GALNT13: variants seen among roughly 807,000 people sequenced by gnomAD.
The protein encoded by GALNT13 is UDP-GalNAc:polypeptide N-acetylgalactosaminyltransferase 13.
Under a neutral mutation model 64.2 loss-of-function variants are expected in GALNT13, and 28 were observed. The observed-to-expected ratio is 0.44, with a 90% CI of 0.32 to 0.60. GALNT13 has a LOEUF of 0.60. GALNT13 is among the 20% of genes least tolerant of loss of function. GALNT13 has a pLI of 0.05. For synonymous variants in GALNT13, 214 were observed against 224.6 expected (o/e 0.95, Z 0.42); for missense variants, 577 against 669.8 (o/e 0.86, Z 1.53).
chr2:153,351,049 T>A, the GALNT13 span, among the ~76,000 whole-genome samples: 1 of 152,158 alleles, frequency 6.6e-6, no homozygotes, highest in African/African-American at 2.4e-5. Flanking sequence ...TTTATTCTCT[T>A]AAGAAAAATT....
intron 4 of GALNT13, among the ~76,000 whole-genome samples, chr2:154,142,220 ACT>A (rs1386709426): frequency 1.3e-5 from 2 of 152,090 alleles, no homozygotes; most frequent in South Asian, 2.1e-4. Context: ...ATATTTACTA[ACT>A]CTTATTTTTT....
At chr2:153,995,056 T>A (rs1178145818) in intron 3 of GALNT13, among the ~76,000 whole-genome samples, 1 of 152,006 alleles carries the variant, frequency 6.6e-6, no homozygotes, top group East Asian at 1.9e-4. Context: ...TATCACCATT[T>A]TATTAAAGAT....
chr2:154,456,445 T>C (rs969984840), downstream of GALNT13, among the ~76,000 whole-genome samples: 1 of 152,066 alleles, frequency 6.6e-6, no homozygotes, highest in Non-Finnish European at 1.5e-5. Context: ...ATATATTGCC[T>C]TTTTGGAAAA....
At chr2:153,243,549 G>A in the GALNT13 span, among the ~76,000 whole-genome samples, 1 of 145,870 alleles carries the variant, frequency 6.9e-6, no homozygotes, top group African/African-American at 2.8e-5. Context: ...CAGACTACTG[G>A]AGAAACAGTT....
chr2:153,484,164 TACTC>T, the GALNT13 span, among the ~76,000 whole-genome samples: 9 of 152,218 alleles, frequency 5.9e-5, no homozygotes, highest in African/African-American at 1.2e-4. Context: ...AGCTCAAAGA[TACTC>T]ACCCTAGTAA....
the GALNT13 span, among the ~76,000 whole-genome samples, chr2:153,322,167 C>T: frequency 6.6e-6 from 1 of 152,054 alleles, no homozygotes; most frequent in African/African-American, 2.4e-5. Context: ...CCCTCCCCAC[C>T]TCTCCACTCT....
At chr2:153,313,385 A>T in the GALNT13 span, among the ~76,000 whole-genome samples, 1 of 152,220 alleles carries the variant, frequency 6.6e-6, no homozygotes, top group Non-Finnish European at 1.5e-5. Context: ...GAATGAGATC[A>T]TGTCCTTTGC....
chr2:153,259,173 A>G, the GALNT13 span, among the ~76,000 whole-genome samples: 3 of 152,176 alleles, frequency 2.0e-5, no homozygotes, highest in African/African-American at 7.2e-5. Context: ...TTATCATTGT[A>G]TAATGACTTT....
At chr2:153,227,172 A>G in the GALNT13 span, among the ~76,000 whole-genome samples, 5,952 of 152,318 alleles carry the variant, frequency 0.039, 163 homozygotes, top group South Asian at 0.084. Flanking sequence ...AATTTGCCAG[A>G]GGGAATGAAG....
chr2:153,592,461 A>G, the GALNT13 span, among the ~76,000 whole-genome samples: 8 of 152,204 alleles, frequency 5.3e-5, no homozygotes, highest in Non-Finnish European at 1.0e-4. Context: ...CTATCATTGT[A>G]TGATTTGATA....
chr2:153,268,764 T>G, the GALNT13 span, among the ~76,000 whole-genome samples: 83 of 152,322 alleles, frequency 5.4e-4, no homozygotes, highest in Middle Eastern at 0.01. Flanking sequence ...TCAACTCTTG[T>G]CTTCTGTGCA....
chr2:154,354,610 A>G (rs1480789375), intron 9 of GALNT13, among the ~76,000 whole-genome samples: 1 of 114,224 alleles, frequency 8.8e-6, no homozygotes, highest in Non-Finnish European at 2.0e-5. Flanking sequence ...ATGGTGGTTC[A>G]ATCTCACTTT....
chr2:153,368,756 G>T, the GALNT13 span, among the ~76,000 whole-genome samples: 1 of 151,974 alleles, frequency 6.6e-6, no homozygotes, highest in Non-Finnish European at 1.5e-5. Context: ...GTCAGTAATT[G>T]AACAAATAGA....
At chr2:154,171,009 G>A (rs1260842924) in intron 4 of GALNT13, among the ~76,000 whole-genome samples, 4 of 152,204 alleles carry the variant, frequency 2.6e-5, no homozygotes, top group Admixed American at 1.3e-4. Flanking sequence ...AACTTTCTCA[G>A]CCTTGGGTCT....
In GALNT13 at chr2:154,346,952, T is replaced by C. The variant is rs114224123; in HGVS notation, c.1156+45363T>C. On this transcript the variant is annotated intron_variant, in intron 9 of 12. Transcript: ENST00000392825. Reference sequence around the variant, plus strand: ...CAACCGTGGGTTTCATGTGTTCTCATCCTGGTATGAAAATTTTTGTCAACT... The same window carrying C: ...CAACCGTGGGTTTCATGTGTTCTCACCCTGGTATGAAAATTTTTGTCAACT... Among the ~76,000 whole-genome samples the C allele has an allele frequency of 7.8e-3, 1,181 of 152,236 alleles. 13 individuals carry two copies. The highest frequency in any genetic ancestry group is 0.027 in the African/African-American group (1,123 of 41,558).
the GALNT13 span, among the ~76,000 whole-genome samples, chr2:153,521,133 T>C: frequency 6.6e-6 from 1 of 152,194 alleles, no homozygotes; most frequent in Non-Finnish European, 1.5e-5. Flanking sequence ...GTAAGTTATA[T>C]TTGTTCTATG....
chr2:153,894,322 G>T (rs1049944638), intron 1 of GALNT13, among the ~76,000 whole-genome samples: 1 of 152,070 alleles, frequency 6.6e-6, no homozygotes, highest in Non-Finnish European at 1.5e-5. Flanking sequence ...TATTCAGTTA[G>T]GAAATGCAAC....
At chr2:153,192,025 T>A in the GALNT13 span, among the ~76,000 whole-genome samples, 1 of 151,966 alleles carries the variant, frequency 6.6e-6, no homozygotes, top group African/African-American at 2.4e-5. Context: ...TGATCTTTTG[T>A]ATTTTTTGTC....
the GALNT13 span, among the ~76,000 whole-genome samples, chr2:153,294,448 G>A: frequency 1.3e-5 from 2 of 152,176 alleles, no homozygotes; most frequent in African/African-American, 2.4e-5. Flanking sequence ...ATACTGTGGA[G>A]CACAGTTTTA....
Sources: gnomAD v4.1 joint callset for allele counts (sites outside exome capture counted in the v4.1 genomes callset) on GRCh38, gnomAD v4.1.1 for gene constraint, MANE v1.5 for transcripts, NCBI Gene and HGNC (gene_info 2026-07-23, HGNC 2026-07-21) for gene names.